DNAH11: variants seen among roughly 807,000 people sequenced by gnomAD.
DNAH11 encodes the protein dynein axonemal heavy chain 11.
DNAH11 carries 442 observed loss-of-function variants against 526.0 expected under a neutral mutation model. The ratio of observed to expected loss-of-function variants is 0.84; its 90% CI spans 0.78 to 0.91. DNAH11 has a LOEUF of 0.91. Ranked by LOEUF, DNAH11 falls within the 40% of genes least tolerant of loss-of-function variation. The pLI is 0.00. For synonymous variants in DNAH11, 2,461 were observed against 1,935.9 expected, an observed-to-expected ratio of 1.27 and a Z score of -7.12; for missense variants, 6,989 against 5,448.7, an observed-to-expected ratio of 1.28 and a Z score of -8.90.
intron 68 of DNAH11, among the ~76,000 whole-genome samples, chr7:21,855,935 C>T (rs1350855893): frequency 6.6e-6 from 1 of 152,070 alleles, no homozygotes; most frequent in African/African-American, 2.4e-5. Flanking sequence ...GCTGCTTTTA[C>T]TGGGGGCTCA....
At chr7:21,627,677 G>A (rs1375685015) in intron 25 of DNAH11, among the ~76,000 whole-genome samples, 1 of 152,104 alleles carries the variant, frequency 6.6e-6, no homozygotes, top group Non-Finnish European at 1.5e-5. Context: ...TTTGGTTACT[G>A]TAGCTTTGTA....
intron 66 of DNAH11, among the ~76,000 whole-genome samples, chr7:21,848,814 TC>T: frequency 6.6e-6 from 1 of 152,338 alleles, no homozygotes; most frequent in Middle Eastern, 3.4e-3. Flanking sequence ...AAATTGTATT[TC>T]TTTTAAAAAT....
chr7:21,705,161 A>G (rs906355387), intron 38 of DNAH11, among the ~76,000 whole-genome samples: 19 of 152,340 alleles, frequency 1.2e-4, no homozygotes, highest in African/African-American at 4.6e-4. Flanking sequence ...GTGATTGGCT[A>G]TGTACAGTGT....
At chr7:21,845,448 C>T (rs553178766) in intron 66 of DNAH11, among the ~76,000 whole-genome samples, 80 of 152,050 alleles carry the variant, frequency 5.3e-4, no homozygotes, top group African/African-American at 1.9e-3. Context: ...TGTCTCAGCA[C>T]CGTTTGTTGA....
chr7:21,638,827 A>G (rs1056507714), intron 27 of DNAH11, 112 bp from the exon 28 acceptor site: 47 of 1,282,460 alleles, frequency 3.7e-5, no homozygotes, highest in Non-Finnish European at 4.8e-5. Context: ...GCTACCTGTT[A>G]AACAGTGAGT....
intron 31 of DNAH11, among the ~76,000 whole-genome samples, chr7:21,682,164 T>C (rs148956574): frequency 7.2e-5 from 11 of 152,352 alleles, no homozygotes; most frequent in African/African-American, 2.6e-4. Context: ...CTTGAACAAC[T>C]AAATTATTGT....
At chr7:21,621,738 T>C (rs1786068259) in intron 25 of DNAH11, among the ~76,000 whole-genome samples, 1 of 152,048 alleles carries the variant, frequency 6.6e-6, no homozygotes, top group South Asian at 2.1e-4. Context: ...ATTATCTCAA[T>C]AGATGCAGAA....
chr7:21,681,198 AG>A (rs1783120014), intron 30 of DNAH11, among the ~76,000 whole-genome samples: 1 of 152,080 alleles, frequency 6.6e-6, no homozygotes, highest in African/African-American at 2.4e-5. Flanking sequence ...AGGCCGAGGT[AG>A]GCAGATCACT....
At chr7:21,719,760 A>G (rs1784805338) in intron 43 of DNAH11, among the ~76,000 whole-genome samples, 1 of 152,238 alleles carries the variant, frequency 6.6e-6, no homozygotes, top group African/African-American at 2.4e-5. Flanking sequence ...AAGGAAAGGC[A>G]CACACACAGT....
chr7:21,665,081 A>ATCTCTC (rs149209790), intron 30 of DNAH11, among the ~76,000 whole-genome samples: 1 of 145,660 alleles, frequency 6.9e-6, no homozygotes, highest in Non-Finnish European at 1.5e-5. Flanking sequence ...CTCTTTCTTT[A>ATCTCTC]TCTCTCTCTC....
intron 76 of DNAH11, 70 bp from the exon 77 acceptor site, chr7:21,892,355 A>C (rs1784354461): frequency 1.3e-6 from 2 of 1,543,384 alleles, no homozygotes; most frequent in East Asian, 2.3e-5. Flanking sequence ...GGTCTTCTCG[A>C]AGTGTTGAGG....
chr7:21,842,287 T>C (rs1408952710), intron 65 of DNAH11, among the ~76,000 whole-genome samples: 7 of 152,220 alleles, frequency 4.6e-5, no homozygotes, highest in African/African-American at 1.7e-4. Context: ...TGATTGTATT[T>C]AATTGTTACA....
At chr7:21,570,384 A>G in intron 7 of DNAH11, 85 bp downstream of exon 7, 1 of 1,106,814 alleles carries the variant, frequency 9.0e-7, no homozygotes, top group Non-Finnish European at 1.3e-6. Flanking sequence ...GGAACAGTTT[A>G]CTTTATATCA....
chr7:21,882,860 TTAAA>T (rs1783973338), intron 75 of DNAH11, among the ~76,000 whole-genome samples: 1 of 151,940 alleles, frequency 6.6e-6, no homozygotes, highest in Non-Finnish European at 1.5e-5. Flanking sequence ...AGATAATTAT[TTAAA>T]TAATTATTGA....
chr7:21,840,391 A>G (rs548278401), intron 65 of DNAH11, among the ~76,000 whole-genome samples: 92 of 152,318 alleles, frequency 6.0e-4, no homozygotes, highest in African/African-American at 2.0e-3. Flanking sequence ...CTAATTTTCT[A>G]TCATGACATC....
At chr7:21,798,258 C>G (rs992563537) in intron 61 of DNAH11, among the ~76,000 whole-genome samples, 4 of 152,160 alleles carry the variant, frequency 2.6e-5, no homozygotes, top group African/African-American at 9.7e-5. Flanking sequence ...CCATGCCCGG[C>G]TAATTTTTTG....
In DNAH11 at chr7:21,854,609, G is replaced by A. The variant is rs544447265; in HGVS notation, c.11202+154G>A. Among the ~76,000 whole-genome samples the A allele has an allele frequency of 2.0e-5, 3 of 152,132 alleles. No individual in the cohort carries two copies. The East Asian group carries it at 5.8e-4, about 29-fold the overall frequency. On this transcript the variant is annotated intron_variant, in intron 68 of 81. Coordinates refer to ENST00000409508, the MANE Select transcript of DNAH11 (RefSeq NM_001277115.2). Reference sequence around the variant, plus strand: ...CTGTAGCCCAGGCTGGAGTGCAGTGGCGTGATCATTGCAACCTCTGCCTCC... The same window carrying A: ...CTGTAGCCCAGGCTGGAGTGCAGTGACGTGATCATTGCAACCTCTGCCTCC...
chr7:21,597,746 T>A (rs1279844622), intron 14 of DNAH11, among the ~76,000 whole-genome samples: 1 of 152,162 alleles, frequency 6.6e-6, no homozygotes, highest in Non-Finnish European at 1.5e-5. Flanking sequence ...CAAGTTTAGA[T>A]TTGGGTGAGG....
chr7:21,692,364 A>G (rs951188960), intron 35 of DNAH11, among the ~76,000 whole-genome samples: 4 of 152,200 alleles, frequency 2.6e-5, no homozygotes, highest in African/African-American at 9.6e-5. Context: ...CCAATAATGT[A>G]CTTTCTGTGA....
Sources: allele counts gnomAD v4.1 joint callset (sites outside exome capture counted in the v4.1 genomes callset), GRCh38; gene constraint gnomAD v4.1.1; transcripts MANE v1.5; gene names NCBI Gene and HGNC (gene_info 2026-07-23, HGNC 2026-07-21).